The following CPVL variants were observed in gnomAD, a reference collection of about 807,000 sequenced individuals.
CPVL encodes the protein carboxypeptidase vitellogenic like.
A neutral mutation model predicts 63.7 loss-of-function variants in CPVL; 51 were observed. That is an observed-to-expected ratio of 0.80 (90% CI 0.64 to 1.01). CPVL has a LOEUF of 1.01. CPVL is among the 50% of genes least tolerant of loss of function. The probability of loss-of-function intolerance (pLI) is 0.00; values close to 1 mark genes in which losing one functional copy is unlikely to be tolerated. For synonymous variants in CPVL, 195 were observed against 206.0 expected, an observed-to-expected ratio of 0.95 and a Z score of 0.46; for missense variants, 530 against 573.1, an observed-to-expected ratio of 0.92 and a Z score of 0.77.
chr7:29,164,801 A>AC (rs1795697505), intron 5 of CPVL, among the ~76,000 whole-genome samples: 1 of 142,214 alleles, frequency 7.0e-6, no homozygotes. Context: ...AAAAAAAAAA[A>AC]CAAAGATTAT....
At chr7:29,070,151 G>A (rs1045926943) in intron 9 of CPVL, among the ~76,000 whole-genome samples, 1 of 152,164 alleles carries the variant, frequency 6.6e-6, no homozygotes, top group Non-Finnish European at 1.5e-5. Flanking sequence ...GACATTCCAA[G>A]CCTTCAAACG....
At chr7:29,183,413 G>A (rs1331988775) in intron 4 of CPVL, among the ~76,000 whole-genome samples, 3 of 148,956 alleles carry the variant, frequency 2.0e-5, no homozygotes, top group Admixed American at 6.8e-5. Flanking sequence ...GTCTTGCTCT[G>A]TTGCCCAGGC....
chr7:29,109,576 T>C (rs756422918), intron 3 of CPVL, among the ~76,000 whole-genome samples: 6 of 152,232 alleles, frequency 3.9e-5, no homozygotes, highest in Non-Finnish European at 7.3e-5. Flanking sequence ...CTCAGATATC[T>C]GGCTCTGCAT....
At chr7:29,151,368 G>A (rs187602294), upstream of CPVL, among the ~76,000 whole-genome samples, 1 of 152,288 alleles carries the variant, frequency 6.6e-6, no homozygotes, top group East Asian at 1.9e-4. Context: ...GCGCCCTTTA[G>A]CAGCAGGTGT....
At chr7:29,025,886 C>T (rs1370255957) in intron 12 of CPVL, among the ~76,000 whole-genome samples, 1 of 152,084 alleles carries the variant, frequency 6.6e-6, no homozygotes, top group Non-Finnish European at 1.5e-5. Context: ...AGGACTTCAA[C>T]AAACAGTCTC....
At chr7:29,098,910 A>G (rs928190070) in intron 3 of CPVL, among the ~76,000 whole-genome samples, 2 of 152,014 alleles carry the variant, frequency 1.3e-5, no homozygotes, top group African/African-American at 4.8e-5. Flanking sequence ...TAAAAATACA[A>G]AAAAATTAGC....
intron 6 of CPVL, among the ~76,000 whole-genome samples, chr7:29,087,201 G>A (rs757944738): frequency 1.3e-5 from 2 of 152,010 alleles, no homozygotes; most frequent in Admixed American, 6.5e-5. Flanking sequence ...TAAGGTGGGC[G>A]GATAACGAGG....
chr7:29,093,302 A>G (rs1786022082), intron 5 of CPVL, among the ~76,000 whole-genome samples: 1 of 137,190 alleles, frequency 7.3e-6, no homozygotes, highest in Non-Finnish European at 1.5e-5. Flanking sequence ...ACCTGAGCCC[A>G]GGAGGCGGAG....
chr7:29,109,189 T>C (rs367742912), intron 3 of CPVL, among the ~76,000 whole-genome samples: 15 of 152,326 alleles, frequency 9.8e-5, no homozygotes, highest in African/African-American at 3.6e-4. Context: ...GCCTACTCCT[T>C]TCTCTTGCAG....
intron 3 of CPVL, among the ~76,000 whole-genome samples, chr7:29,101,134 A>T (rs73684590): frequency 6.6e-6 from 1 of 152,150 alleles, no homozygotes; most frequent in East Asian, 1.9e-4. Flanking sequence ...GGAAAGAATA[A>T]AAGACTTCCT....
At chr7:29,077,317 C>T (rs746185640) in intron 7 of CPVL, among the ~76,000 whole-genome samples, 1 of 152,026 alleles carries the variant, frequency 6.6e-6, no homozygotes, top group Non-Finnish European at 1.5e-5. Flanking sequence ...AAAATAGATA[C>T]ACTTATACAC....
chr7:29,169,386 C>A (rs967939916), intron 5 of CPVL, among the ~76,000 whole-genome samples: 1 of 151,912 alleles, frequency 6.6e-6, no homozygotes, highest in Non-Finnish European at 1.5e-5. Flanking sequence ...ATTTTCATAC[C>A]CCTCTAAACA....
At chr7:29,131,676 C>A (rs1790714607) in intron 1 of CPVL, among the ~76,000 whole-genome samples, 1 of 152,202 alleles carries the variant, frequency 6.6e-6, no homozygotes, top group Non-Finnish European at 1.5e-5. Context: ...CCACACCCAG[C>A]TAATTTTTGT....
At chr7:29,127,197 C>T (rs1790123356) in intron 1 of CPVL, among the ~76,000 whole-genome samples, 2 of 152,152 alleles carry the variant, frequency 1.3e-5, no homozygotes, top group African/African-American at 4.8e-5. Flanking sequence ...CCCACTCCAA[C>T]CAGAAGGGAA....
intron 2 of CPVL, among the ~76,000 whole-genome samples, chr7:29,115,899 T>G (rs533626650): frequency 6.6e-6 from 1 of 152,270 alleles, no homozygotes; most frequent in African/African-American, 2.4e-5. Context: ...TCTCAAATGA[T>G]TCAGATGTTC....
At chr7:29,136,175 T>C (rs1791204981) in intron 1 of CPVL, among the ~76,000 whole-genome samples, 1 of 152,238 alleles carries the variant, frequency 6.6e-6, no homozygotes, top group Admixed American at 6.5e-5. Context: ...AATATATCTA[T>C]AACTGACTAC....
chr7:29,109,956 G>A (rs1788093409), intron 3 of CPVL, among the ~76,000 whole-genome samples: 1 of 152,198 alleles, frequency 6.6e-6, no homozygotes, highest in African/African-American at 2.4e-5. Context: ...TCCTTTCCAT[G>A]AACAGGTTTA....
rs10658501 is a variant in CPVL, at chr7:29,075,519, T to TAAAAAAAAAAAAAAAAAAAAAACAAAA, written c.610-3097_610-3096insTTTTGTTTTTTTTTTTTTTTTTTTTTT. Among the ~76,000 whole-genome samples the TAAAAAAAAAAAAAAAAAAAAAACAAAA allele has an allele frequency of 1.6e-5, 2 of 128,978 alleles. 1 individual carries two copies. 84.6% of individuals were successfully genotyped at this position (128,978 alleles called of 152,430 possible). A position where few individuals can be genotyped will look rare whatever the true frequency, so the allele number is the denominator to read the frequency against. ...TCTTTTCTATTGAGAAGATACTTCT[T>TAAAAAAAAAAAAAAAAAAAAAACAAAA]AAAAAAAAAAAAAAAAAAGCCATCA... On this transcript the variant is annotated intron_variant, in intron 7 of 12. Transcript: ENST00000265394.
At chr7:29,042,667 T>C (rs978984171) in intron 11 of CPVL, among the ~76,000 whole-genome samples, 2 of 152,000 alleles carry the variant, frequency 1.3e-5, no homozygotes, top group African/African-American at 4.8e-5. Flanking sequence ...ATTGAGTGAA[T>C]ACATTAAGGA....
Sources: gnomAD v4.1 joint callset for allele counts (sites outside exome capture counted in the v4.1 genomes callset) on GRCh38, gnomAD v4.1.1 for gene constraint, MANE v1.5 for transcripts, NCBI Gene and HGNC (gene_info 2026-07-23, HGNC 2026-07-21) for gene names.